Variants in SYT10 observed in about 807,000 individuals in gnomAD.
SYT10 encodes the protein synaptotagmin-10.
A neutral mutation model predicts 51.1 loss-of-function variants in SYT10; 31 were observed. The ratio of observed to expected loss-of-function variants is 0.61; its 90% CI spans 0.46 to 0.82. SYT10 has a LOEUF of 0.82. Among genes scored for constraint, SYT10 ranks in the 40% least tolerant of loss-of-function variants. SYT10 has a pLI of 0.00. For synonymous variants in SYT10, 233 were observed against 225.9 expected (o/e 1.03, Z -0.28); for missense variants, 603 against 634.0 (o/e 0.95, Z 0.53).
intron 2 of SYT10, among the ~76,000 whole-genome samples, chr12:33,414,101 TG>T (rs1866432861): frequency 1.3e-5 from 2 of 152,124 alleles, no homozygotes; most frequent in South Asian, 4.2e-4. Flanking sequence ...CATTACATAA[TG>T]GTAAAGGGAT....
rs569206415 is a variant in SYT10 at position 33,382,427 on chromosome 12, T to C, written c.1292A>G (p.Asn431Ser). The C allele has an allele frequency of 3.1e-6, 5 of 1,613,394 alleles. No individual in the cohort carries two copies. In the Admixed American group the frequency reaches 5.0e-5, roughly 16 times the overall value. ...AGGGATGTCAAAAATAATGGCCTCA[T>C]TGTACACAGGGTTTAGAGTGTTTTT... ...TKKNTLNPVY[N>S]EAIIFDIPPE... The change falls in exon 5 of 7, where the codon AAT becomes AGT. Residue 431 changes from asparagine to serine, a missense_variant. Asn to Ser is a conservative substitution (Grantham distance 46). Transcript: ENST00000228567.
Position 33,439,709 on chromosome 12 carries a change from T to A in SYT10, c.-187A>T. The stretch of plus-strand genomic sequence containing the variant: ...GGCCCCATGGCGGGAGCGGAGGGCG[T>A]AGGGGAAGGAGAGGCGCGCGAGGAG... On this transcript the variant is annotated 5_prime_UTR_variant, in exon 1 of 7. Transcript: ENST00000228567. The A allele has an allele frequency of 1.5e-6, 1 of 655,534 alleles. No individual in the cohort carries two copies. The highest frequency in any genetic ancestry group is 2.4e-6 in the Non-Finnish European group (1 of 411,402). The allele number at this position is 655,534 out of a possible 1,614,324, so 40.6% of individuals were successfully genotyped here.
intron 2 of SYT10, among the ~76,000 whole-genome samples, chr12:33,418,842 A>G (rs1866476814): frequency 6.6e-6 from 1 of 152,036 alleles, no homozygotes; most frequent in Non-Finnish European, 1.5e-5. Context: ...GCCTTCCTCA[A>G]TGTCTATTTT....
chr12:33,380,257 A>T (rs2138381395), intron 5 of SYT10, among the ~76,000 whole-genome samples: 1 of 152,322 alleles, frequency 6.6e-6, no homozygotes, highest in African/African-American at 2.4e-5. Flanking sequence ...GTAGGTCTTT[A>T]CCTATATGAT....
At chr12:33,384,681 A>G (rs1591981632) in intron 4 of SYT10, among the ~76,000 whole-genome samples, 1 of 152,320 alleles carries the variant, frequency 6.6e-6, no homozygotes, top group Non-Finnish European at 1.5e-5. Flanking sequence ...AATTTATTTT[A>G]TTATTTATTT....
chr12:33,415,616 ATC>A (rs998968402), intron 2 of SYT10, among the ~76,000 whole-genome samples: 5 of 152,240 alleles, frequency 3.3e-5, no homozygotes, highest in African/African-American at 1.2e-4. Flanking sequence ...AAAGAAATTT[ATC>A]TCTATTTTAA....
At chr12:33,395,055 TC>T (rs1244975263) in intron 3 of SYT10, among the ~76,000 whole-genome samples, 15 of 152,306 alleles carry the variant, frequency 9.8e-5, no homozygotes, top group Admixed American at 7.2e-4. Flanking sequence ...GCCACTGCAC[TC>T]CAGCCTGAGC....
In SYT10 at chr12:33,385,310, T is replaced by C; in HGVS notation, c.1078-19A>G. 1 of 1,611,318 alleles carries C rather than the reference T, an allele frequency of 6.2e-7. No homozygotes were observed. Among genetic ancestry groups the C allele is most frequent in the South Asian group, 1.1e-5 (1 of 90,546 alleles). ...TACTTTCCTAGAAAGGCAATCGGCA[T>C]GTTAGCAATTTCAAACATTGAAGGG... On this transcript the variant is annotated intron_variant, in intron 3 of 6. Transcript: ENST00000228567.
At chr12:33,413,301 G>A (rs1866424114) in intron 2 of SYT10, among the ~76,000 whole-genome samples, 1 of 152,134 alleles carries the variant, frequency 6.6e-6, no homozygotes, top group Non-Finnish European at 1.5e-5. Context: ...TAGCAAGGCA[G>A]GCCAACATTC....
intron 2 of SYT10, chr12:33,408,090 G>A (rs538758755): frequency 3.9e-5 from 6 of 152,166 alleles, no homozygotes; most frequent in Non-Finnish European, 8.8e-5. Flanking sequence ...AAATCATTCA[G>A]ATGGCTGGTT....
Position 33,375,487 on chromosome 12 carries a change from A to C in SYT10, c.*1343T>G, listed in dbSNP as rs1357640905. ...TACTATCTATACCACACATCTTAAA[A>C]GTAAGGTTGGGGTAATTCAGTATAG... is the stretch of plus-strand genomic sequence containing the variant. On this transcript the variant is annotated 3_prime_UTR_variant, in exon 7 of 7. Transcript: ENST00000228567. 1 of 152,066 alleles carries C rather than the reference A, an allele frequency of 6.6e-6. No homozygotes were observed. Among genetic ancestry groups the C allele is most frequent in the African/African-American group, 2.4e-5 (1 of 41,446 alleles). The allele number at this position is 152,066 out of a possible 1,614,324, so 9.4% of individuals were successfully genotyped here. A position where few individuals can be genotyped will look rare whatever the true frequency, so the allele number is the denominator to read the frequency against.
intron 2 of SYT10, among the ~76,000 whole-genome samples, chr12:33,422,089 TAAA>T (rs58610962): frequency 2.1e-5 from 3 of 146,114 alleles, no homozygotes; most frequent in African/African-American, 5.0e-5. Flanking sequence ...CTTAAAGTAT[TAAA>T]AAAAAAAACT....
chr12:33,420,912 C>A (rs190478944), intron 2 of SYT10, among the ~76,000 whole-genome samples: 1 of 152,150 alleles, frequency 6.6e-6, no homozygotes, highest in Admixed American at 6.5e-5. Flanking sequence ...AGACAGATCT[C>A]AGGTCTTTCC....
chr12:33,400,411 G>A (rs1866292547), intron 3 of SYT10, among the ~76,000 whole-genome samples: 1 of 152,134 alleles, frequency 6.6e-6, no homozygotes, highest in South Asian at 2.1e-4. Context: ...GAATACAACA[G>A]TTCCTTTGTA....
chr12:33,424,940 A>G (rs1866537945), intron 2 of SYT10, among the ~76,000 whole-genome samples: 1 of 152,070 alleles, frequency 6.6e-6, no homozygotes, highest in Non-Finnish European at 1.5e-5. Context: ...CATGAAAAAG[A>G]CACTTCCATC....
At chr12:33,397,777 TC>T (rs1866269491) in intron 3 of SYT10, among the ~76,000 whole-genome samples, 1 of 151,604 alleles carries the variant, frequency 6.6e-6, no homozygotes, top group African/African-American at 2.4e-5. Context: ...GAAGTCTGAC[TC>T]TCCCAAGGAA....
At chr12:33,418,910 A>T (rs1256678702) in intron 2 of SYT10, among the ~76,000 whole-genome samples, 1 of 152,080 alleles carries the variant, frequency 6.6e-6, no homozygotes, top group East Asian at 1.9e-4. Context: ...TTTGACTTAA[A>T]ACCCTCTAGT....
At chr12:33,414,728 G>A (rs887961764) in intron 2 of SYT10, among the ~76,000 whole-genome samples, 2 of 152,094 alleles carry the variant, frequency 1.3e-5, no homozygotes, top group Non-Finnish European at 2.9e-5. Flanking sequence ...GAGAAAGCAG[G>A]GAAGATCTAA....
chr12:33,396,103 C>T (rs1418627214), intron 3 of SYT10, among the ~76,000 whole-genome samples: 1 of 152,146 alleles, frequency 6.6e-6, no homozygotes, highest in Non-Finnish European at 1.5e-5. Context: ...ATTATATGAT[C>T]TAGACATGAG....
Sources: allele counts gnomAD v4.1 joint callset (sites outside exome capture counted in the v4.1 genomes callset), GRCh38; gene constraint gnomAD v4.1.1; transcripts MANE v1.5; gene names NCBI Gene and HGNC (gene_info 2026-07-23, HGNC 2026-07-21).